Variants in CHST11 observed in about 807,000 individuals in gnomAD.
CHST11 encodes C4S-1.
Under a neutral mutation model 30.4 loss-of-function variants are expected in CHST11, and 9 were observed. The observed-to-expected ratio is 0.30, with a 90% CI of 0.18 to 0.52. The LOEUF is 0.52. Among genes scored for constraint, CHST11 ranks in the 20% least tolerant of loss-of-function variants. CHST11 has a pLI of 0.97. For missense variants in CHST11, 348 were observed against 460.6 expected (o/e 0.76, Z 2.24); for synonymous variants, 152 against 187.8 (o/e 0.81, Z 1.56).
intron 1 of CHST11, among the ~76,000 whole-genome samples, chr12:104,492,298 G>A (rs1355902085): frequency 6.6e-6 from 1 of 152,058 alleles, no homozygotes; most frequent in Non-Finnish European, 1.5e-5. Flanking sequence ...GGGTTTCACT[G>A]TGTTAGCCAG....
intron 2 of CHST11, among the ~76,000 whole-genome samples, chr12:104,648,715 A>G (rs1172004616): frequency 6.6e-6 from 1 of 152,104 alleles, no homozygotes; most frequent in Non-Finnish European, 1.5e-5. Flanking sequence ...TCGGGAGGCC[A>G]GGGCAGGAGA....
chr12:104,643,994 C>G (rs1161040708), intron 2 of CHST11, among the ~76,000 whole-genome samples: 1 of 152,206 alleles, frequency 6.6e-6, no homozygotes, highest in Admixed American at 6.5e-5. Flanking sequence ...AAAGGAACCT[C>G]TTAGGTCTCT....
intron 2 of CHST11, among the ~76,000 whole-genome samples, chr12:104,751,932 T>C (rs1261518646): frequency 6.6e-6 from 1 of 152,250 alleles, no homozygotes; most frequent in Non-Finnish European, 1.5e-5. Flanking sequence ...TCTTATATGA[T>C]GTTATCTTCT....
intron 2 of CHST11, among the ~76,000 whole-genome samples, chr12:104,727,658 A>G (rs2040226475): frequency 1.3e-5 from 2 of 152,254 alleles, no homozygotes; most frequent in African/African-American, 4.8e-5. Flanking sequence ...AATCGAGTAT[A>G]GACAGCAGTC....
chr12:104,638,709 T>C (rs964204492), intron 2 of CHST11, among the ~76,000 whole-genome samples: 1 of 152,232 alleles, frequency 6.6e-6, no homozygotes, highest in African/African-American at 2.4e-5. Flanking sequence ...CCTTATCCTG[T>C]GTTGCTTTGG....
intron 2 of CHST11, among the ~76,000 whole-genome samples, chr12:104,637,042 C>T (rs1467374187): frequency 6.6e-6 from 1 of 151,852 alleles, no homozygotes; most frequent in East Asian, 1.9e-4. Flanking sequence ...GTGGCTCACA[C>T]CTGTAATCCC....
chr12:104,721,811 A>G (rs2136126984), intron 2 of CHST11, among the ~76,000 whole-genome samples: 1 of 152,354 alleles, frequency 6.6e-6, no homozygotes, highest in Non-Finnish European at 1.5e-5. Flanking sequence ...AAGCACTGCC[A>G]CATACATGGC....
chr12:104,654,992 T>A (rs1487688948), intron 2 of CHST11, among the ~76,000 whole-genome samples: 1 of 152,264 alleles, frequency 6.6e-6, no homozygotes, highest in African/African-American at 2.4e-5. Context: ...AACACACATG[T>A]AGCTCTCCTT....
intron 2 of CHST11, among the ~76,000 whole-genome samples, chr12:104,609,272 C>T (rs1009718224): frequency 2.0e-5 from 3 of 152,160 alleles, no homozygotes; most frequent in South Asian, 2.1e-4. Flanking sequence ...GGTTGTAGAC[C>T]GACTCCTTAT....
chr12:104,646,425 C>T (rs540014989), intron 2 of CHST11, among the ~76,000 whole-genome samples: 1 of 152,270 alleles, frequency 6.6e-6, no homozygotes, highest in South Asian at 2.1e-4. Flanking sequence ...TCACCTTCAT[C>T]GTAGTGGTGA....
intron 2 of CHST11, among the ~76,000 whole-genome samples, chr12:104,738,018 C>T (rs907256492): frequency 1.3e-5 from 2 of 152,174 alleles, no homozygotes; most frequent in African/African-American, 4.8e-5. Flanking sequence ...TTTTTTGAAC[C>T]TTTCTGTTCT....
intron 2 of CHST11, among the ~76,000 whole-genome samples, chr12:104,668,503 A>G (rs1385292789): frequency 6.6e-6 from 1 of 152,198 alleles, no homozygotes; most frequent in East Asian, 1.9e-4. Context: ...GCAGCTGACC[A>G]CACAAGTGGG....
intron 2 of CHST11, among the ~76,000 whole-genome samples, chr12:104,651,119 C>T (rs780143885): frequency 1.3e-5 from 2 of 152,184 alleles, no homozygotes; most frequent in African/African-American, 2.4e-5. Context: ...GCCCAATTGC[C>T]GATTCATCTC....
At chr12:104,668,472 G>GTGAGTGCAGCTCCCTGAGC (rs2039661042) in intron 2 of CHST11, among the ~76,000 whole-genome samples, 2 of 152,170 alleles carry the variant, frequency 1.3e-5, no homozygotes, top group African/African-American at 4.8e-5. Context: ...TGAAGGACTT[G>GTGAGTGCAGCTCCCTGAGC]TGAGTGCAGC....
At chr12:104,573,569 A>G (rs771717343) in intron 1 of CHST11, among the ~76,000 whole-genome samples, 1 of 152,358 alleles carries the variant, frequency 6.6e-6, no homozygotes, top group South Asian at 2.1e-4. Context: ...ATCTACAACT[A>G]TCTGATCTTT....
intron 1 of CHST11, among the ~76,000 whole-genome samples, chr12:104,539,123 C>T (rs1032314035): frequency 2.0e-5 from 3 of 152,256 alleles, no homozygotes; most frequent in Middle Eastern, 3.4e-3. Context: ...ATCTGCTAAC[C>T]GTTCTTCCCT....
intron 2 of CHST11, among the ~76,000 whole-genome samples, chr12:104,608,796 T>C (rs1009619792): frequency 6.6e-6 from 1 of 152,202 alleles, no homozygotes. Flanking sequence ...ACAGAGATCA[T>C]TGTCCCTCAT....
chr12:104,719,227 TA>T (rs1420066804), intron 2 of CHST11, among the ~76,000 whole-genome samples: 1 of 152,210 alleles, frequency 6.6e-6, no homozygotes, highest in East Asian at 1.9e-4. Context: ...CCAGCTTGAA[TA>T]CATGCTCAGT....
chr12:104,510,995 A>T (rs138172699), intron 1 of CHST11, among the ~76,000 whole-genome samples: 267 of 152,294 alleles, frequency 1.8e-3, no homozygotes, highest in African/African-American at 6.2e-3. Flanking sequence ...TTAAAAAAAT[A>T]AAAGCCCAAA....
Sources: gnomAD v4.1 joint callset for allele counts (sites outside exome capture counted in the v4.1 genomes callset) on GRCh38, gnomAD v4.1.1 for gene constraint, MANE v1.5 for transcripts, NCBI Gene and HGNC (gene_info 2026-07-23, HGNC 2026-07-21) for gene names.